The following TAOK3 variants were observed in gnomAD, a reference collection of about 807,000 sequenced individuals.
TAOK3 encodes the protein TAO kinase 3, also known as serine/threonine-protein kinase TAO3.
A neutral mutation model predicts 120.4 loss-of-function variants in TAOK3; 40 were observed. The ratio of observed to expected loss-of-function variants is 0.33; its 90% CI spans 0.26 to 0.43. The LOEUF (loss-of-function observed/expected upper bound fraction) is 0.43, where lower values mean the gene tolerates loss of function less well. TAOK3 is among the 20% of genes least tolerant of loss of function. The probability of loss-of-function intolerance (pLI) is 1.00; values close to 1 mark genes in which losing one functional copy is unlikely to be tolerated. For synonymous variants in TAOK3, 355 were observed against 387.5 expected (o/e 0.92, Z 0.99); for missense variants, 821 against 1,112.1 (o/e 0.74, Z 3.72).
intron 1 of TAOK3, chr12:118,296,868 T>G (rs1251915370): frequency 6.6e-6 from 1 of 152,178 alleles, no homozygotes; most frequent in Non-Finnish European, 1.5e-5. Context: ...ACAACCATAT[T>G]ATAAGAGACA....
chr12:118,244,489 T>C (rs1234801332), intron 4 of TAOK3, among the ~76,000 whole-genome samples: 1 of 150,894 alleles, frequency 6.6e-6, no homozygotes, highest in Non-Finnish European at 1.5e-5. Context: ...AAAATTGTTC[T>C]AAAAAAAAGT....
Position 118,161,708 on chromosome 12 carries a change from A to G in TAOK3, c.2139+80T>C. On this transcript the variant is annotated intron_variant, in intron 18 of 20. Transcript: ENST00000392533. This position sits in a 1 kb window ranked among gnomAD's most constrained non-coding sequence, Gnocchi z 4.5. Reference sequence around the variant, plus strand: ...GGGTGCAGAAATTTGTGATTCTGAAAAGTTGCTCAGGTGACTCTGACACTT... The same window carrying G: ...GGGTGCAGAAATTTGTGATTCTGAAGAGTTGCTCAGGTGACTCTGACACTT... 6.4e-7 allele frequency: 1 copy of G among 1,558,014 alleles called. No individual in the cohort carries two copies. Among genetic ancestry groups the G allele is most frequent in the Non-Finnish European group, 8.7e-7 (1 of 1,146,150 alleles).
intron 9 of TAOK3, among the ~76,000 whole-genome samples, chr12:118,229,547 T>C (rs897975800): frequency 6.6e-6 from 1 of 152,184 alleles, no homozygotes; most frequent in Non-Finnish European, 1.5e-5. Flanking sequence ...TATTTTAAAG[T>C]AGTAAAAGTT....
chr12:118,241,325 T>A (rs1343944837), intron 5 of TAOK3, among the ~76,000 whole-genome samples: 1 of 152,100 alleles, frequency 6.6e-6, no homozygotes. Context: ...CTAGCCTTTA[T>A]GTGCCCTACT....
At chr12:118,252,917 G>A (rs1271756666) in intron 3 of TAOK3, among the ~76,000 whole-genome samples, 1 of 151,966 alleles carries the variant, frequency 6.6e-6, no homozygotes, top group South Asian at 2.1e-4. Flanking sequence ...CAGTAGAGAC[G>A]GGGTTTCTCC....
At chr12:118,321,526 C>T (rs574403440) in intron 1 of TAOK3, among the ~76,000 whole-genome samples, 1 of 152,246 alleles carries the variant, frequency 6.6e-6, no homozygotes, top group African/African-American at 2.4e-5. Context: ...TCCCAAAGTG[C>T]TGGGATTACA....
At chr12:118,151,633 C>T (rs562984575) in intron 20 of TAOK3, among the ~76,000 whole-genome samples, 1 of 152,236 alleles carries the variant, frequency 6.6e-6, no homozygotes, top group African/African-American at 2.4e-5. Context: ...ACGTTGGTCT[C>T]AGGGAACTAC....
At chr12:118,210,979 C>T (rs2038599606) in intron 11 of TAOK3, among the ~76,000 whole-genome samples, 2 of 152,096 alleles carry the variant, frequency 1.3e-5, no homozygotes, top group African/African-American at 4.8e-5. Flanking sequence ...CCTCCTGATC[C>T]TCCCACCTTG....
At chr12:118,211,161 T>C (rs936351384) in intron 11 of TAOK3, among the ~76,000 whole-genome samples, 1 of 152,224 alleles carries the variant, frequency 6.6e-6, no homozygotes, top group African/African-American at 2.4e-5. Context: ...TCAGTAAATA[T>C]TTGTTGAATA....
intron 9 of TAOK3, among the ~76,000 whole-genome samples, chr12:118,214,599 C>T (rs1299034716): frequency 1.2e-4 from 17 of 144,938 alleles, no homozygotes; most frequent in Non-Finnish European, 2.1e-4. Context: ...TTTTTTGTGA[C>T]GGAGTCTTGC....
rs75535236 is a variant in TAOK3 at position 118,181,258 on chromosome 12, C to T, written c.1566+113G>A. ...ATCTAGAAACCCAATTTTGCCACCC[C>T]GGAAACAACAATTTTCCTCCATCCC... is the stretch of plus-strand genomic sequence containing the variant. On this transcript the variant is annotated intron_variant, in intron 15 of 20. Coordinates refer to ENST00000392533, the MANE Select transcript of TAOK3 (RefSeq NM_016281.4). 4.1e-4 allele frequency: 391 copies of T among 948,504 alleles called. 1 individual carries two copies. The African/African-American group carries it at 5.0e-3, about 12-fold the overall frequency. 58.8% of individuals were successfully genotyped at this position (948,504 alleles called of 1,614,324 possible). A position where few individuals can be genotyped will look rare whatever the true frequency, so the allele number is the denominator to read the frequency against.
At chr12:118,322,412 T>C (rs2043750331) in intron 1 of TAOK3, among the ~76,000 whole-genome samples, 1 of 151,928 alleles carries the variant, frequency 6.6e-6, no homozygotes, top group African/African-American at 2.4e-5. Flanking sequence ...TTAATCTATA[T>C]ATTATATGAA....
At chr12:118,163,107 T>A (rs1190095244) in intron 17 of TAOK3, among the ~76,000 whole-genome samples, 1 of 152,194 alleles carries the variant, frequency 6.6e-6, no homozygotes, top group Non-Finnish European at 1.5e-5. Flanking sequence ...GGAATTGATA[T>A]TCAGAACCAG....
chr12:118,312,242 T>C (rs2043290277), intron 1 of TAOK3, among the ~76,000 whole-genome samples: 1 of 151,974 alleles, frequency 6.6e-6, no homozygotes, highest in South Asian at 2.1e-4. Flanking sequence ...TAATTAAACA[T>C]TGAGACATAG....
intron 14 of TAOK3, among the ~76,000 whole-genome samples, chr12:118,185,276 G>C: frequency 6.6e-6 from 1 of 152,116 alleles, no homozygotes; most frequent in East Asian, 1.9e-4. Flanking sequence ...TCCTATAGCT[G>C]TTCAATGCTA....
intron 1 of TAOK3, among the ~76,000 whole-genome samples, chr12:118,274,291 A>G (rs2041831618): frequency 6.6e-6 from 1 of 152,206 alleles, no homozygotes; most frequent in South Asian, 2.1e-4. Flanking sequence ...CTATGGTTCT[A>G]TAGCCCAACT....
chr12:118,341,192 G>T (rs566345279), intron 1 of TAOK3, among the ~76,000 whole-genome samples: 26 of 152,024 alleles, frequency 1.7e-4, no homozygotes, highest in Admixed American at 1.6e-3. Context: ...GTAGAGACAG[G>T]GTTTCGCCAT....
chr12:118,274,365 T>C, intron 1 of TAOK3, among the ~76,000 whole-genome samples: 1 of 152,146 alleles, frequency 6.6e-6, no homozygotes, highest in East Asian at 1.9e-4. Context: ...AATTTCTACG[T>C]GGCAAATAAT....
rs74592539 is a variant in TAOK3 at position 118,247,221 on chromosome 12, A to C, written c.121-2256T>G. Among the ~76,000 whole-genome samples, 994 of 152,292 alleles carry C rather than the reference A, an allele frequency of 6.5e-3. 13 individuals carry two copies. Among genetic ancestry groups the C allele is most frequent in the African/African-American group, 0.023 (941 of 41,570 alleles). On this transcript the variant is annotated intron_variant, in intron 3 of 20. Coordinates refer to ENST00000392533, the MANE Select transcript of TAOK3 (RefSeq NM_016281.4). ...CTATTGTATTGAACAGTACAGCAGAAAGTAAGATTAATCCTAAGGGGGACT... is the reference window on the plus strand; with the variant it reads ...CTATTGTATTGAACAGTACAGCAGACAGTAAGATTAATCCTAAGGGGGACT...
Sources: gnomAD v4.1 joint callset for allele counts (sites outside exome capture counted in the v4.1 genomes callset) on GRCh38, gnomAD v4.1.1 for gene constraint, Gnocchi (gnomAD v3.1) non-coding constraint, MANE v1.5 for transcripts, NCBI Gene and HGNC (gene_info 2026-07-23, HGNC 2026-07-21) for gene names.